The following AKAP7 variants were observed in gnomAD, a reference collection of about 807,000 sequenced individuals.
AKAP7 encodes A kinase (PRKA) anchor protein 7.
Under a neutral mutation model 39.5 loss-of-function variants are expected in AKAP7, and 39 were observed. That is an observed-to-expected ratio of 0.99 (90% CI 0.76 to 1.29). AKAP7 has a LOEUF of 1.29. AKAP7 is among the 50% of genes most tolerant of loss of function. The pLI is 0.00. For synonymous variants in AKAP7, 140 were observed against 139.1 expected, an observed-to-expected ratio of 1.01 and a Z score of -0.05; for missense variants, 414 against 407.7, an observed-to-expected ratio of 1.02 and a Z score of -0.13.
At chr6:131,133,362 C>T (rs1249464148), upstream of AKAP7, among the ~76,000 whole-genome samples, 1 of 152,164 alleles carries the variant, frequency 6.6e-6, no homozygotes, top group East Asian at 1.9e-4. Flanking sequence ...AGCTGTTTCT[C>T]GCTAGTCCTT....
chr6:131,159,742 T>G (rs1040078731), intron 2 of AKAP7, among the ~76,000 whole-genome samples: 8 of 152,248 alleles, frequency 5.3e-5, no homozygotes, highest in South Asian at 4.1e-4. Flanking sequence ...CTTCAGATCA[T>G]GAGTCAGCTC....
At chr6:131,131,464 TTTC>T (rs1366422065), upstream of AKAP7, among the ~76,000 whole-genome samples, 2 of 70,550 alleles carry the variant, frequency 2.8e-5, no homozygotes, top group African/African-American at 4.6e-5. Context: ...TTTCTCTTTC[TTTC>T]TTTTTTTTTT....
At chr6:131,144,270 C>T (rs1481339637) in intron 1 of AKAP7, among the ~76,000 whole-genome samples, 4 of 152,048 alleles carry the variant, frequency 2.6e-5, no homozygotes, top group South Asian at 4.2e-4. Flanking sequence ...CCCAATGAGC[C>T]GCTGGGCACA....
At position 131,214,177 on chromosome 6, in the gene AKAP7, G is replaced by A. The variant is rs546541589; in HGVS notation, c.703-5484G>A. 3.9e-5 allele frequency among the ~76,000 whole-genome samples: 6 copies of A among 152,232 alleles called. No individual in the cohort carries two copies. The South Asian group carries it at 1.2e-3, about 32-fold the overall frequency. ...ACTTGATGCCACCAAGGAGCATCCA[G>A]CACTTCTTAAAAGTTTTAGGATAGG... On this transcript the variant is annotated intron_variant, in intron 6 of 7. Transcript: ENST00000431975.
At chr6:131,235,929 T>G (rs1811015897) in intron 7 of AKAP7, among the ~76,000 whole-genome samples, 1 of 152,264 alleles carries the variant, frequency 6.6e-6, no homozygotes, top group Non-Finnish European at 1.5e-5. Flanking sequence ...TTTGTCAATT[T>G]TGGCTTTTGT....
chr6:131,203,067 T>C (rs1664520181), intron 6 of AKAP7, among the ~76,000 whole-genome samples: 1 of 152,144 alleles, frequency 6.6e-6, no homozygotes, highest in Non-Finnish European at 1.5e-5. Flanking sequence ...CAGAGGAATA[T>C]ACTTAAGACC....
At chr6:131,264,923 T>A (rs948874349) in intron 7 of AKAP7, among the ~76,000 whole-genome samples, 2 of 151,982 alleles carry the variant, frequency 1.3e-5, no homozygotes, top group Non-Finnish European at 2.9e-5. Flanking sequence ...GAACTTAGGG[T>A]GAGAACTCAC....
chr6:131,217,696 A>C (rs1009818655), intron 6 of AKAP7, among the ~76,000 whole-genome samples: 8 of 152,376 alleles, frequency 5.3e-5, no homozygotes, highest in African/African-American at 1.4e-4. Context: ...CTTTTGCTGA[A>C]ATTAAATTAA....
At chr6:131,205,052 G>T (rs943489109) in intron 6 of AKAP7, among the ~76,000 whole-genome samples, 1 of 152,134 alleles carries the variant, frequency 6.6e-6, no homozygotes, top group Non-Finnish European at 1.5e-5. Context: ...TTGGTAAAAA[G>T]GGGTGTGCTG....
Position 131,200,415 on chromosome 6 carries a change from G to A in AKAP7, c.702+842G>A, listed in dbSNP as rs192369366. Among the ~76,000 whole-genome samples, 173 of 152,238 alleles carry A rather than the reference G, an allele frequency of 1.1e-3. 2 individuals are homozygous for A. The highest frequency in any genetic ancestry group is 2.1e-4 in the Non-Finnish European group (14 of 68,012). On this transcript the variant is annotated intron_variant, in intron 6 of 7. Transcript: ENST00000431975. ...GAGATGGGCATGCAGATTAATATCC[G>A]CTCCCTGCTCTCCATGACCCTTTGC...
chr6:131,144,393 A>G (rs1801311147), intron 1 of AKAP7, among the ~76,000 whole-genome samples: 1 of 152,254 alleles, frequency 6.6e-6, no homozygotes, highest in African/African-American at 2.4e-5. Context: ...GTATTACAAG[A>G]GAATGAATTA....
Position 131,239,228 on chromosome 6 carries a change from T to C in AKAP7, c.850+19420T>C, listed in dbSNP as rs1258475891. 6.1e-4 allele frequency among the ~76,000 whole-genome samples: 93 copies of C among 152,358 alleles called. 1 individual carries two copies. The highest frequency in any genetic ancestry group is 8.8e-5 in the Non-Finnish European group (6 of 68,036). The stretch of plus-strand genomic sequence containing the variant: ...AATTCTTTCATTTAAGAATGTTGAA[T>C]ATTGGCCCCCACTCTCTTCTGGCTT... On this transcript the variant is annotated intron_variant, in intron 7 of 7. Coordinates refer to ENST00000431975, the MANE Select transcript of AKAP7 (RefSeq NM_016377.4).
intron 5 of AKAP7, among the ~76,000 whole-genome samples, chr6:131,192,614 G>A (rs1026593997): frequency 6.6e-6 from 1 of 152,074 alleles, no homozygotes; most frequent in African/African-American, 2.4e-5. Flanking sequence ...TTCTATTTCT[G>A]TGAAGAATGT....
rs1800443805 is a variant in AKAP7 at position 131,135,467 on chromosome 6, C to T, written c.-297C>T. 6.6e-6 allele frequency among the ~76,000 whole-genome samples: 1 copy of T among 151,850 alleles called. No homozygotes were observed. The highest frequency in any genetic ancestry group is 1.5e-5 in the Non-Finnish European group (1 of 67,828). On this transcript the variant is annotated 5_prime_UTR_variant, in exon 1 of 8. Transcript: ENST00000431975. The stretch of plus-strand genomic sequence containing the variant: ...CACCGGCGACTCGGGTCGGCCCCTT[C>T]TGGCTTGTTCCGGCGTCCGGCCTGG...
chr6:131,142,627 A>C (rs1801142156), intron 1 of AKAP7, among the ~76,000 whole-genome samples: 1 of 152,232 alleles, frequency 6.6e-6, no homozygotes, highest in East Asian at 1.9e-4. Flanking sequence ...CTCCTAGGGC[A>C]ATGCTGGGGG....
chr6:131,270,265 GGTTT>G (rs1295474899), intron 7 of AKAP7, among the ~76,000 whole-genome samples: 1 of 152,110 alleles, frequency 6.6e-6, no homozygotes, highest in African/African-American at 2.4e-5. Flanking sequence ...GGAAACCGCT[GGTTT>G]GTTTGCAGTC....
chr6:131,147,461 G>A lies in AKAP7; in HGVS notation c.151+2045G>A, dbSNP rs140322698. ...CTATATTTTCCTTTACAACTGCCCCGTAGAGCAGAACCATGTTTGTGAGTT... is the reference window on the plus strand; with the variant it reads ...CTATATTTTCCTTTACAACTGCCCCATAGAGCAGAACCATGTTTGTGAGTT... On this transcript the variant is annotated intron_variant, in intron 2 of 7. Transcript: ENST00000431975. 1.1e-4 allele frequency among the ~76,000 whole-genome samples: 17 copies of A among 152,310 alleles called. No individual in the cohort carries two copies. The East Asian group carries it at 2.9e-3, about 26-fold the overall frequency.
intron 7 of AKAP7, chr6:131,250,428 G>C: frequency 6.7e-7 from 1 of 1,487,264 alleles, no homozygotes; most frequent in South Asian, 1.4e-5. Flanking sequence ...GGCGGCGTGT[G>C]CATTGGCTCT....
intron 7 of AKAP7, among the ~76,000 whole-genome samples, chr6:131,243,126 C>T (rs974960387): frequency 1.3e-5 from 2 of 152,056 alleles, no homozygotes; most frequent in Admixed American, 6.6e-5. Context: ...GAGGATGAGC[C>T]GTGATGATCT....
Sources: allele counts gnomAD v4.1 joint callset (sites outside exome capture counted in the v4.1 genomes callset), GRCh38; gene constraint gnomAD v4.1.1; transcripts MANE v1.5; gene names NCBI Gene and HGNC (gene_info 2026-07-23, HGNC 2026-07-21).